Variants in CYP2F1 observed in about 807,000 individuals in gnomAD.
The protein encoded by CYP2F1 is cytochrome P450 2F1.
In CYP2F1, 33 loss-of-function variants were observed where a neutral mutation model predicts 40.4. That is an observed-to-expected ratio of 0.82 (90% CI 0.62 to 1.09). The LOEUF (loss-of-function observed/expected upper bound fraction) is 1.09. Among genes scored for constraint, CYP2F1 ranks in the 50% least tolerant of loss-of-function variants. The pLI is 0.00. For missense variants in CYP2F1, 566 were observed against 655.7 expected, an observed-to-expected ratio of 0.86 and a Z score of 1.49; for synonymous variants, 235 against 277.2, an observed-to-expected ratio of 0.85 and a Z score of 1.51.
At position 41,116,617 on chromosome 19, in the gene CYP2F1, G is replaced by A. The variant is rs770202369; in HGVS notation, c.334G>A (p.Gly112Ser). The part of the protein sequence containing the change: ...PAFFNFTKGN[G>S]IAFSSGDRWK... Reference sequence around the variant, plus strand: ...CTTTTTCAACTTTACCAAGGGCAATGGTAAGCCTCGTCCTTGTCTCCTCCG... The same window carrying A: ...CTTTTTCAACTTTACCAAGGGCAATAGTAAGCCTCGTCCTTGTCTCCTCCG... The change falls in exon 3 of 10, where the codon GGC becomes AGC. Residue 112 changes from glycine to serine, a missense_variant and splice_region_variant. Around this residue, in one of 5 missense-constraint regions of CYP2F1, gnomAD observed 264 missense variants for 275.7 expected, o/e 0.96. Transcript: ENST00000331105. 2 of 1,613,826 alleles carry A rather than the reference G, an allele frequency of 1.2e-6. No individual in the cohort carries two copies. The highest frequency in any genetic ancestry group is 2.2e-5 in the South Asian group (2 of 91,060).
Position 41,128,071 on chromosome 19 carries a change from C to T in CYP2F1, c.1465C>T (p.Arg489Cys), listed in dbSNP as rs772809858. 18 of 1,604,866 alleles carry T rather than the reference C, an allele frequency of 1.1e-5. No individual in the cohort carries two copies. Among genetic ancestry groups the T allele is most frequent in the East Asian group, 9.0e-5 (4 of 44,660 alleles). Residue 489 changes from arginine to cysteine, a missense_variant, in exon 10 of 10, where the codon CGC becomes TGC. By Grantham distance (180) the Arg-to-Cys change is radical. Around this residue, in one of 5 missense-constraint regions of CYP2F1, gnomAD observed 85 missense variants for 84.9 expected, o/e 1.00. Transcript: ENST00000331105. Reference sequence around the variant, plus strand: ...GCCGCGGCCTTTCCAGCTGTGCCTGCGCCCGCGCTAACGCCCCGGCCCTTC... The same window carrying T: ...GCCGCGGCCTTTCCAGCTGTGCCTGTGCCCGCGCTAACGCCCCGGCCCTTC... ...NLPRPFQLCL[R>C]PR
Position 41,116,234 on chromosome 19 carries a change from G to A in CYP2F1, c.46G>A (p.Val16Ile), listed in dbSNP as rs142026539. The change falls in exon 2 of 10, where the codon GTC (valine) becomes ATC (isoleucine). Residue 16 changes from valine (V) to isoleucine (I), a missense_variant. Transcript: ENST00000331105. The stretch of plus-strand genomic sequence containing the variant: ...CATCTTACTCCTGCTCCTGGCTCTC[G>A]TCTGTCTGCTCCTGACCCTAAGCTC... ...TAILLLLLAL[V>I]CLLLTLSSRD... 62 of 1,614,008 alleles carry A rather than the reference G, an allele frequency of 3.8e-5. No individual in the cohort carries two copies. The highest frequency in any genetic ancestry group is 3.1e-4 in the African/African-American group (23 of 74,990).
At chr19:41,124,107 C>T (rs190221889) in intron 7 of CYP2F1, among the ~76,000 whole-genome samples, 81 of 152,068 alleles carry the variant, frequency 5.3e-4, no homozygotes, top group Admixed American at 2.6e-3. Context: ...CCTGAAATCC[C>T]ATCAGGTCCT....
chr19:41,124,663 G>A (rs2032441186), intron 7 of CYP2F1, 56 bp from the exon 8 acceptor site: 1 of 1,507,160 alleles, frequency 6.6e-7, no homozygotes, highest in Non-Finnish European at 9.0e-7. Context: ...TTATCAGCCT[G>A]GTTGCCCTGT....
chr19:41,117,578 C>T (rs1029471589), intron 3 of CYP2F1, among the ~76,000 whole-genome samples: 2 of 152,100 alleles, frequency 1.3e-5, no homozygotes, highest in Non-Finnish European at 2.9e-5. Flanking sequence ...TCTACCCAAC[C>T]CCAAGTTCAA....
intron 3 of CYP2F1, among the ~76,000 whole-genome samples, chr19:41,119,545 G>A (rs1007341271): frequency 7.3e-5 from 11 of 151,568 alleles, no homozygotes; most frequent in African/African-American, 2.7e-4. Context: ...TCAGGAGATC[G>A]AGACCATCCT....
chr19:41,121,471 C>T lies in CYP2F1; in HGVS notation c.498C>T (p.Asp166=). ...CCTTACCCTCAGGCGAGCCCTTTGA[C>T]CCCACGTTTGTGCTGAGTCGCTCAG... ...ELRKTEGEPF[D]PTFVLSRSVS... Residue 166 remains aspartate, a synonymous_variant, in exon 5 of 10, where the codon GAC becomes GAT. Transcript: ENST00000331105. 6 of 1,609,688 alleles carry T rather than the reference C, an allele frequency of 3.7e-6. No individual in the cohort carries two copies. In the Admixed American group the frequency reaches 5.0e-5, roughly 13 times the overall value.
intron 8 of CYP2F1, 196 bp downstream of exon 8, chr19:41,125,102 A>C (rs1295163003): frequency 1.7e-6 from 1 of 591,842 alleles, no homozygotes; most frequent in Admixed American, 3.3e-5. Flanking sequence ...ATCTCATATC[A>C]TAGTGGACTA....
intron 4 of CYP2F1, among the ~76,000 whole-genome samples, chr19:41,120,820 A>T (rs1280972597): frequency 6.7e-6 from 1 of 148,410 alleles, no homozygotes; most frequent in Non-Finnish European, 1.5e-5. Flanking sequence ...ATTCACATCC[A>T]TTCTACTTTT....
intron 4 of CYP2F1, 35 bp from the exon 5 acceptor site, chr19:41,121,423 G>C (rs760654203): frequency 1.3e-6 from 2 of 1,592,278 alleles, no homozygotes; most frequent in East Asian, 2.3e-5. Flanking sequence ...GCTGCACATC[G>C]CGTCTTCCTG....
In CYP2F1 at chr19:41,122,916, C is replaced by G; in HGVS notation, c.917C>G (p.Thr306Arg). Residue 306 changes from threonine to arginine, a missense_variant, in exon 7 of 10, where the codon ACG (threonine) becomes AGG (arginine). Transcript: ENST00000331105. ...LFGGTKTVST[T>R]LHHAFLALMK... Reference sequence around the variant, plus strand: ...GGCGGCACCAAGACGGTGAGCACCACGCTGCACCACGCCTTCCTGGCACTC... The same window carrying G: ...GGCGGCACCAAGACGGTGAGCACCAGGCTGCACCACGCCTTCCTGGCACTC... 6.2e-7 allele frequency: 1 copy of G among 1,612,430 alleles called. No individual in the cohort carries two copies. The highest frequency in any genetic ancestry group is 8.5e-7 in the Non-Finnish European group (1 of 1,179,118).
intron 4 of CYP2F1, 67 bp from the exon 5 acceptor site, chr19:41,121,391 G>T: frequency 1.4e-6 from 2 of 1,464,446 alleles, no homozygotes. Context: ...AATTAATGGT[G>T]TTGCTGCATG....
chr19:41,116,070 C>G, intron 1 of CYP2F1, 108 bp from the exon 2 acceptor site: 1 of 1,065,976 alleles, frequency 9.4e-7, no homozygotes, highest in Non-Finnish European at 1.3e-6. Context: ...CTGTCTCCTT[C>G]TCTCCATCTG....
intron 6 of CYP2F1, 45 bp from the exon 7 acceptor site, chr19:41,122,777 G>A: frequency 2.0e-6 from 3 of 1,509,408 alleles, no homozygotes; most frequent in Non-Finnish European, 2.7e-6. Flanking sequence ...TAGAGTGAAG[G>A]GGCCTCCATT....
Position 41,124,809 on chromosome 19 carries a change from T to A in CYP2F1, c.1055T>A (p.Val352Glu), listed in dbSNP as rs1188436496. Residue 352 changes from valine (V) to glutamate (E), a missense_variant, in exon 8 of 10, where the codon GTG becomes GAG. Val to Glu is a moderately radical substitution (Grantham distance 121). Transcript: ENST00000331105. The part of the protein sequence containing the change: ...DRAAMPYTDA[V>E]IHEVQRFADI... ...GCGGCCATGCCTTACACAGACGCGGTGATCCACGAGGTGCAGCGCTTTGCA... is the reference window on the plus strand; with the variant it reads ...GCGGCCATGCCTTACACAGACGCGGAGATCCACGAGGTGCAGCGCTTTGCA... 5 of 1,611,384 alleles carry A rather than the reference T, an allele frequency of 3.1e-6. No homozygotes were observed. The highest frequency in any genetic ancestry group is 4.2e-6 in the Non-Finnish European group (5 of 1,179,790).
Position 41,122,951 on chromosome 19 carries a change from C to G in CYP2F1, c.952C>G (p.Pro318Ala), listed in dbSNP as rs1272848068. The change falls in exon 7 of 10, where the codon CCA becomes GCA. Residue 318 changes from proline (P) to alanine (A), a missense_variant. Pro to Ala is a conservative substitution (Grantham distance 27, BLOSUM62 -1). Around this residue, in one of 5 missense-constraint regions of CYP2F1, gnomAD observed 128 missense variants for 121.0 expected, o/e 1.06. Coordinates refer to ENST00000331105, the MANE Select transcript of CYP2F1 (RefSeq NM_000774.5). ...CGCCTTCCTGGCACTCATGAAGTAC[C>G]CAAAAGTTCAAGGTGAGGCCCACCC... ...HHAFLALMKY[P>A]KVQARVQEEI... is the part of the protein sequence containing the mutation. 1 of 1,613,256 alleles carries G rather than the reference C, an allele frequency of 6.2e-7. No homozygotes were observed.
rs2032437570 is a variant in CYP2F1 at position 41,124,612 on chromosome 19, G to C, written c.965-107G>C. ...CCCCAGCAGTGGCGCCCCGCGCTGG[G>C]AGACTTTGACTAGACGCCTCCCCAC... On this transcript the variant is annotated intron_variant, in intron 7 of 9. Transcript: ENST00000331105. The C allele has an allele frequency of 2.8e-6, 3 of 1,069,370 alleles. No individual in the cohort carries two copies. The East Asian group carries it at 7.9e-5, about 28-fold the overall frequency. The allele number at this position is 1,069,370 out of a possible 1,614,324, so 66.2% of individuals were successfully genotyped here.
intron 9 of CYP2F1, among the ~76,000 whole-genome samples, chr19:41,126,961 G>C (rs1599686838): frequency 6.6e-6 from 1 of 151,908 alleles, no homozygotes; most frequent in East Asian, 1.9e-4. Context: ...GGCAGGAAAA[G>C]AAAAAACAAA....
intron 9 of CYP2F1, 105 bp from the exon 10 acceptor site, chr19:41,127,796 A>G (rs2032601964): frequency 1.3e-6 from 1 of 770,002 alleles, no homozygotes; most frequent in Admixed American, 2.7e-5. Flanking sequence ...TGACGTCCCC[A>G]GCTGCTGTCT....
Sources: allele counts gnomAD v4.1 joint callset (sites outside exome capture counted in the v4.1 genomes callset), GRCh38; gene constraint gnomAD v4.1.1; regional missense constraint gnomAD v4.1.1; transcripts MANE v1.5; gene names NCBI Gene and HGNC (gene_info 2026-07-23, HGNC 2026-07-21).